BAZ2B: variants seen among roughly 807,000 people sequenced by gnomAD.
BAZ2B encodes bromodomain adjacent to zinc finger domain protein 2B.
A neutral mutation model predicts 246.0 loss-of-function variants in BAZ2B; 91 were observed. The ratio of observed to expected loss-of-function variants is 0.37; its 90% CI spans 0.31 to 0.44. The LOEUF (loss-of-function observed/expected upper bound fraction) is 0.44. Ranked by LOEUF, BAZ2B falls within the 20% of genes least tolerant of loss-of-function variation. The probability of loss-of-function intolerance (pLI) is 1.00; values close to 1 mark genes in which losing one functional copy is unlikely to be tolerated. For synonymous variants in BAZ2B, 855 were observed against 860.0 expected (o/e 0.99, Z 0.10); for missense variants, 2,332 against 2,533.7 (o/e 0.92, Z 1.71).
At chr2:159,548,680 C>T (rs1490307313) in intron 2 of BAZ2B, among the ~76,000 whole-genome samples, 1 of 152,052 alleles carries the variant, frequency 6.6e-6, no homozygotes, top group African/African-American at 2.4e-5. Context: ...ACACCTGTAA[C>T]TTCCATGCTT....
chr2:159,494,877 C>A (rs2080898759), intron 2 of BAZ2B, among the ~76,000 whole-genome samples: 1 of 88,198 alleles, frequency 1.1e-5, no homozygotes, highest in Non-Finnish European at 2.7e-5. Context: ...AAATACACTA[C>A]CTCAAGGGTT....
In BAZ2B at chr2:159,325,723, A is replaced by T. The variant is rs747953012; in HGVS notation, c.6139T>A (p.Ser2047Thr). 3 of 1,596,590 alleles carry T rather than the reference A, an allele frequency of 1.9e-6. No individual in the cohort carries two copies. The highest frequency in any genetic ancestry group is 2.7e-5 in the African/African-American group (2 of 73,560). The change falls in exon 35 of 37, where the codon TCA becomes ACA. Residue 2047 changes from serine (S) to threonine (T), a missense_variant. Physicochemically the swap from Ser to Thr is moderately conservative, Grantham distance 58. Transcript: ENST00000392783. ...ACTGAAGTAAAACTTTCTTGTTTTG[A>T]CAAGTTAATAGAAGTGTTTTCCTCC... ...KMEENTSINL[S>T]KQESFTSVKK...
chr2:159,455,291 A>C (rs1017816578), intron 3 of BAZ2B, among the ~76,000 whole-genome samples: 1 of 152,094 alleles, frequency 6.6e-6, no homozygotes, highest in Non-Finnish European at 1.5e-5. Flanking sequence ...GTCCTAAAAA[A>C]CGGTCAGTGT....
chr2:159,472,064 G>A (rs957352281), intron 3 of BAZ2B, among the ~76,000 whole-genome samples: 4 of 152,126 alleles, frequency 2.6e-5, no homozygotes, highest in Non-Finnish European at 4.4e-5. Flanking sequence ...GTTCATTCAA[G>A]ATTTGTTTCA....
At chr2:159,368,334 T>G (rs1052097319) in intron 27 of BAZ2B, among the ~76,000 whole-genome samples, 3 of 152,184 alleles carry the variant, frequency 2.0e-5, no homozygotes, top group African/African-American at 7.2e-5. Flanking sequence ...ATTACAGGCA[T>G]GAACCAGTGC....
intron 7 of BAZ2B, 129 bp from the exon 8 acceptor site, chr2:159,438,824 C>A: frequency 2.3e-6 from 3 of 1,301,682 alleles, no homozygotes; most frequent in South Asian, 1.5e-5. Flanking sequence ...ATCTAAAAAT[C>A]TAAAAATTCG....
chr2:159,443,167 C>T (rs956158600), intron 6 of BAZ2B, among the ~76,000 whole-genome samples: 28 of 152,122 alleles, frequency 1.8e-4, no homozygotes, highest in Non-Finnish European at 2.8e-4. Flanking sequence ...ACTTTCAAAC[C>T]ATAAAAAATC....
At position 159,616,355 on chromosome 2, in the gene BAZ2B, G is replaced by C. The variant is rs1455939410; in HGVS notation, c.-159C>G. ...CCTCCTTATTTCTATTATTATTTCT[G>C]CAAGAAAAGTATAAAGAGAGTTGTA... On this transcript the variant is annotated 5_prime_UTR_variant, in exon 1 of 37. Transcript: ENST00000392783. 2 of 152,166 alleles carry C rather than the reference G, an allele frequency of 1.3e-5. No homozygotes were observed. Among genetic ancestry groups the C allele is most frequent in the Non-Finnish European group, 2.9e-5 (2 of 68,032 alleles). The allele number at this position is 152,166 out of a possible 1,614,324, so 9.4% of individuals were successfully genotyped here.
intron 1 of BAZ2B, among the ~76,000 whole-genome samples, chr2:159,613,907 T>C (rs954000079): frequency 1.9e-4 from 29 of 152,186 alleles, no homozygotes; most frequent in Non-Finnish European, 4.3e-4. Context: ...AGAAGACTGC[T>C]ACAGAAATAA....
At chr2:159,606,649 A>T (rs1251680511) in intron 1 of BAZ2B, among the ~76,000 whole-genome samples, 2 of 152,208 alleles carry the variant, frequency 1.3e-5, no homozygotes, top group Non-Finnish European at 2.9e-5. Context: ...CTTGTACAAG[A>T]TAAAAAATGG....
At chr2:159,638,658 AAAAC>A in the BAZ2B span, among the ~76,000 whole-genome samples, 8 of 152,212 alleles carry the variant, frequency 5.3e-5, no homozygotes, top group Non-Finnish European at 1.0e-4. Flanking sequence ...AAGCAGAAAA[AAAAC>A]AGTGAGCTTG....
At chr2:159,579,541 T>G (rs1436046649) in intron 1 of BAZ2B, among the ~76,000 whole-genome samples, 1 of 151,912 alleles carries the variant, frequency 6.6e-6, no homozygotes, top group Non-Finnish European at 1.5e-5. Flanking sequence ...TTCCAATCAA[T>G]AGAAAAAGAG....
At chr2:159,405,147 A>G (rs533356692) in intron 14 of BAZ2B, 33 bp from the exon 15 acceptor site, 2 of 1,541,676 alleles carry the variant, frequency 1.3e-6, no homozygotes, top group South Asian at 1.1e-5. Context: ...GAATATTAAC[A>G]ACTTTGTGTA....
the BAZ2B span, among the ~76,000 whole-genome samples, chr2:159,655,632 C>T: frequency 8.9e-4 from 136 of 152,226 alleles, no homozygotes; most frequent in African/African-American, 3.0e-3. Flanking sequence ...ATGCCCATTA[C>T]ATGTATACTG....
At chr2:159,648,540 G>T in the BAZ2B span, among the ~76,000 whole-genome samples, 1 of 152,044 alleles carries the variant, frequency 6.6e-6, no homozygotes, top group Non-Finnish European at 1.5e-5. Flanking sequence ...AGATTACTTT[G>T]CATTTTTGGA....
chr2:159,601,111 A>C (rs1692026875), intron 1 of BAZ2B, among the ~76,000 whole-genome samples: 1 of 152,154 alleles, frequency 6.6e-6, no homozygotes, highest in South Asian at 2.1e-4. Context: ...CTCAGAGAAA[A>C]AGTTCTAGGA....
chr2:159,687,057 A>AAAG, the BAZ2B span, among the ~76,000 whole-genome samples: 2 of 151,452 alleles, frequency 1.3e-5, no homozygotes, highest in African/African-American at 4.8e-5. Flanking sequence ...AAAAAAAAAA[A>AAAG]AGGCACCATA....
At chr2:159,385,008 T>C in intron 23 of BAZ2B, 147 bp downstream of exon 23, 1 of 815,732 alleles carries the variant, frequency 1.2e-6, no homozygotes. Flanking sequence ...TTAGTGGCCA[T>C]CTCTAAATAC....
At chr2:159,339,275 G>T (rs753662411) in intron 31 of BAZ2B, among the ~76,000 whole-genome samples, 2 of 152,030 alleles carry the variant, frequency 1.3e-5, no homozygotes, top group African/African-American at 2.4e-5. Context: ...ACGATCACCA[G>T]CAACATCCCA....
Sources: gnomAD v4.1 joint callset for allele counts (sites outside exome capture counted in the v4.1 genomes callset) on GRCh38, gnomAD v4.1.1 for gene constraint, MANE v1.5 for transcripts, NCBI Gene and HGNC (gene_info 2026-07-23, HGNC 2026-07-21) for gene names.